The following NBEA variants were observed in gnomAD, a reference collection of about 807,000 sequenced individuals.
NBEA encodes lysosomal-trafficking regulator 2.
A neutral mutation model predicts 343.4 loss-of-function variants in NBEA; 44 were observed. The ratio of observed to expected loss-of-function variants is 0.13; its 90% confidence interval spans 0.10 to 0.16. The LOEUF is 0.16. Ranked by LOEUF, NBEA falls within the 10% of genes least tolerant of loss-of-function variation. The probability of loss-of-function intolerance (pLI) is 1.00; values close to 1 mark genes in which losing one functional copy is unlikely to be tolerated. For missense variants in NBEA, 2,555 were observed against 3,631.3 expected (o/e 0.70, Z 7.62); for synonymous variants, 1,175 against 1,238.7 (o/e 0.95, Z 1.08).
intron 53 of NBEA, among the ~76,000 whole-genome samples, chr13:35,652,327 C>G (rs2084564456): frequency 7.6e-6 from 1 of 131,928 alleles, no homozygotes; most frequent in South Asian, 2.6e-4. Flanking sequence ...ACATGTACCC[C>G]AGAACTTAAA....
At chr13:35,498,777 T>C (rs764516465) in intron 41 of NBEA, among the ~76,000 whole-genome samples, 12 of 152,268 alleles carry the variant, frequency 7.9e-5, no homozygotes, top group Admixed American at 6.5e-5. Context: ...TTACATGATA[T>C]CTGTCTTCAC....
intron 41 of NBEA, among the ~76,000 whole-genome samples, chr13:35,482,961 A>C: frequency 6.6e-6 from 1 of 151,864 alleles, no homozygotes; most frequent in East Asian, 1.9e-4. Flanking sequence ...GTTTTATATC[A>C]AAAGATCTTT....
intron 41 of NBEA, among the ~76,000 whole-genome samples, chr13:35,537,465 GA>G (rs77413636): frequency 0.083 from 12,545 of 151,366 alleles, 783 homozygotes; most frequent in East Asian, 0.31. Flanking sequence ...GTAATGAGAA[GA>G]AAAAAAATGG....
At chr13:35,142,860 G>A (rs2068170909) in intron 18 of NBEA, among the ~76,000 whole-genome samples, 1 of 152,060 alleles carries the variant, frequency 6.6e-6, no homozygotes, top group African/African-American at 2.4e-5. Context: ...CAATTTAGAG[G>A]TTCCTTTTTT....
At chr13:35,087,654 A>T (rs1433837618) in intron 10 of NBEA, among the ~76,000 whole-genome samples, 1 of 151,976 alleles carries the variant, frequency 6.6e-6, no homozygotes, top group Non-Finnish European at 1.5e-5. Context: ...TCAGAACTGT[A>T]AAAGAAGTCA....
intron 5 of NBEA, among the ~76,000 whole-genome samples, chr13:35,049,417 A>G (rs530242075): frequency 1.1e-4 from 17 of 151,990 alleles, no homozygotes; most frequent in East Asian, 7.7e-4. Context: ...AACTATACCA[A>G]TGAGGATAGT....
intron 36 of NBEA, among the ~76,000 whole-genome samples, chr13:35,318,390 T>C (rs975439427): frequency 2.6e-5 from 4 of 152,238 alleles, no homozygotes; most frequent in African/African-American, 9.6e-5. Flanking sequence ...TCTGTTTATG[T>C]AATGGATTAC....
intron 36 of NBEA, among the ~76,000 whole-genome samples, chr13:35,328,186 C>A (rs563041498): frequency 2.0e-4 from 31 of 151,732 alleles, no homozygotes; most frequent in African/African-American, 7.2e-4. Flanking sequence ...GGATACAGGA[C>A]CAATATTCAA....
At chr13:35,164,254 C>A in intron 23 of NBEA, 102 bp from the exon 24 acceptor site, 2 of 949,590 alleles carry the variant, frequency 2.1e-6, no homozygotes, top group Non-Finnish European at 1.5e-6. Flanking sequence ...TTAAATATAG[C>A]TAGCTCCTAC....
chr13:35,308,306 A>T (rs1290179131), intron 35 of NBEA, among the ~76,000 whole-genome samples: 3 of 150,932 alleles, frequency 2.0e-5, no homozygotes, highest in Non-Finnish European at 4.4e-5. Context: ...ATAGGGGGAA[A>T]AATCTATAGA....
At chr13:34,975,789 A>T (rs557378575) in intron 1 of NBEA, among the ~76,000 whole-genome samples, 1 of 152,344 alleles carries the variant, frequency 6.6e-6, no homozygotes, top group East Asian at 1.9e-4. Context: ...TTCTCAAAAG[A>T]AGATATACAG....
intron 10 of NBEA, among the ~76,000 whole-genome samples, chr13:35,081,722 G>C (rs937252509): frequency 1.3e-5 from 2 of 152,014 alleles, no homozygotes; most frequent in Non-Finnish European, 2.9e-5. Flanking sequence ...ACAGCAATTT[G>C]TGGAGTATAA....
intron 4 of NBEA, among the ~76,000 whole-genome samples, chr13:35,046,174 A>G (rs1028205283): frequency 9.3e-5 from 14 of 150,980 alleles, no homozygotes; most frequent in Non-Finnish European, 1.6e-4. Context: ...TATCTATCCT[A>G]TCCATTCACT....
chr13:35,547,828 G>A (rs998459960), intron 41 of NBEA, among the ~76,000 whole-genome samples: 8 of 152,034 alleles, frequency 5.3e-5, no homozygotes, highest in South Asian at 4.1e-4. Context: ...GGTGGAGGTC[G>A]CAGTGAGCCA....
At chr13:35,473,297 G>A (rs890770526) in intron 41 of NBEA, among the ~76,000 whole-genome samples, 12 of 152,114 alleles carry the variant, frequency 7.9e-5, no homozygotes, top group African/African-American at 2.9e-4. Context: ...CTGGGGTTAA[G>A]AATTCAACAG....
At chr13:35,138,873 T>C (rs2067899342) in intron 17 of NBEA, among the ~76,000 whole-genome samples, 1 of 152,120 alleles carries the variant, frequency 6.6e-6, no homozygotes, top group African/African-American at 2.4e-5. Context: ...TCCATTGTAT[T>C]CCTCTCATCC....
intron 55 of NBEA, among the ~76,000 whole-genome samples, chr13:35,656,691 T>TTACTA (rs2084828441): frequency 1.3e-5 from 2 of 152,208 alleles, no homozygotes; most frequent in Non-Finnish European, 2.9e-5. Context: ...AAGCTTTCAA[T>TTACTA]AGTTCACTCA....
intron 44 of NBEA, among the ~76,000 whole-genome samples, chr13:35,560,182 CA>C (rs2079796174): frequency 6.6e-6 from 1 of 151,122 alleles, no homozygotes; most frequent in African/African-American, 2.4e-5. Flanking sequence ...ATAAGTGACA[CA>C]GTCGGGATTC....
At chr13:35,445,810 A>ATT (rs1555267186) in intron 39 of NBEA, among the ~76,000 whole-genome samples, 1 of 135,476 alleles carries the variant, frequency 7.4e-6, no homozygotes, top group Non-Finnish European at 1.6e-5. Context: ...ATATATATAT[A>ATT]TATATATGTA....
Sources: allele counts gnomAD v4.1 joint callset (sites outside exome capture counted in the v4.1 genomes callset), GRCh38; gene constraint gnomAD v4.1.1; transcripts MANE v1.5; gene names NCBI Gene and HGNC (gene_info 2026-07-23, HGNC 2026-07-21).